Variants in DLGAP1 observed in about 807,000 individuals in gnomAD.
DLGAP1 encodes disks large-associated protein 1.
DLGAP1 carries 11 observed loss-of-function variants against 90.8 expected under a neutral mutation model. That is an observed-to-expected ratio of 0.12 (90% CI 0.08 to 0.20). DLGAP1 has a LOEUF of 0.20. Among genes scored for constraint, DLGAP1 ranks in the 10% least tolerant of loss-of-function variants. DLGAP1 has a pLI of 1.00. For missense variants in DLGAP1, 1,050 were observed against 1,333.8 expected (o/e 0.79, Z 3.31); for synonymous variants, 558 against 540.7 (o/e 1.03, Z -0.44).
At chr18:3,869,753 T>C (rs1255497194) in intron 4 of DLGAP1, among the ~76,000 whole-genome samples, 2 of 152,126 alleles carry the variant, frequency 1.3e-5, no homozygotes, top group African/African-American at 2.4e-5. Context: ...TAATAAAAAC[T>C]AGATGAAGTG....
chr18:4,135,831 G>A (rs1317546765), intron 2 of DLGAP1, among the ~76,000 whole-genome samples: 3 of 122,484 alleles, frequency 2.4e-5, no homozygotes, highest in Non-Finnish European at 4.9e-5. Flanking sequence ...ATTCCATAAT[G>A]TATACCTACC....
chr18:3,650,873 C>G (rs968428253), intron 7 of DLGAP1, among the ~76,000 whole-genome samples: 2 of 151,262 alleles, frequency 1.3e-5, no homozygotes, highest in Non-Finnish European at 2.9e-5. Context: ...TGGAGACCAT[C>G]CTGGCCAACA....
intron 1 of DLGAP1, among the ~76,000 whole-genome samples, chr18:4,277,470 GTTTCTGTGGGT>G (rs992775741): frequency 6.6e-6 from 1 of 152,104 alleles, no homozygotes; most frequent in African/African-American, 2.4e-5. Flanking sequence ...AGTAAGAATA[GTTTCTGTGGGT>G]TTTCTGTGGG....
intron 2 of DLGAP1, among the ~76,000 whole-genome samples, chr18:4,006,194 C>A (rs774682487): frequency 1.3e-5 from 2 of 152,154 alleles, no homozygotes; most frequent in African/African-American, 4.8e-5. Flanking sequence ...TCTTCTCTTG[C>A]CATTTTGATT....
intron 5 of DLGAP1, among the ~76,000 whole-genome samples, chr18:3,787,603 A>G (rs1317356744): frequency 6.6e-6 from 1 of 151,842 alleles, no homozygotes; most frequent in African/African-American, 2.4e-5. Context: ...GAGTCATACG[A>G]AAGTAGTATT....
At chr18:4,060,505 G>A (rs541488385) in intron 2 of DLGAP1, among the ~76,000 whole-genome samples, 34 of 152,246 alleles carry the variant, frequency 2.2e-4, no homozygotes, top group East Asian at 1.5e-3. Flanking sequence ...GTCCTGCCTC[G>A]GAGGTTTAAA....
At chr18:4,233,089 C>A (rs1042307613) in intron 1 of DLGAP1, among the ~76,000 whole-genome samples, 39 of 152,112 alleles carry the variant, frequency 2.6e-4, no homozygotes, top group Non-Finnish European at 4.4e-5. Context: ...GGCACAGTCT[C>A]CCATACCTTT....
intron 1 of DLGAP1, among the ~76,000 whole-genome samples, chr18:4,445,280 T>C (rs564022710): frequency 2.1e-5 from 3 of 144,676 alleles, no homozygotes; most frequent in African/African-American, 7.7e-5. Context: ...CCCTCTCTAA[T>C]AACTAATTAC....
At chr18:3,605,776 A>G (rs2057298020) in intron 7 of DLGAP1, among the ~76,000 whole-genome samples, 1 of 152,182 alleles carries the variant, frequency 6.6e-6, no homozygotes, top group South Asian at 2.1e-4. Context: ...CTTTCTCCAG[A>G]GAGGTTAAGT....
intron 2 of DLGAP1, among the ~76,000 whole-genome samples, chr18:4,091,052 T>C (rs535824428): frequency 2.6e-5 from 4 of 152,126 alleles, no homozygotes; most frequent in African/African-American, 9.6e-5. Context: ...TGAGAACACA[T>C]GGACACAGGG....
At chr18:4,371,230 TATAA>T (rs1166646377) in intron 1 of DLGAP1, among the ~76,000 whole-genome samples, 3 of 152,286 alleles carry the variant, frequency 2.0e-5, no homozygotes, top group South Asian at 2.1e-4. Context: ...GACAAATGAA[TATAA>T]ATAAATAAAT....
At position 3,534,895 on chromosome 18, in the gene DLGAP1, T is replaced by TTGAA. The variant is rs567902882; in HGVS notation, c.2058-284_2058-281dup. 8.3e-4 allele frequency among the ~76,000 whole-genome samples: 127 copies of TTGAA among 152,168 alleles called. 1 individual carries two copies. The highest frequency in any genetic ancestry group is 1.2e-4 in the Non-Finnish European group (8 of 67,988). On this transcript the variant is annotated intron_variant, in intron 9 of 12. Transcript: ENST00000315677. ...TTAGTAGAGAAGGGGTTTCACTGTG[T>TTGAA]TGAACAGGTGGGTCTCGAACTACTG...
chr18:4,237,705 A>C (rs1330899292), intron 1 of DLGAP1, among the ~76,000 whole-genome samples: 3 of 152,098 alleles, frequency 2.0e-5, no homozygotes, highest in Admixed American at 6.6e-5. Flanking sequence ...AAAAAAAGGA[A>C]GCAATTTTTG....
At chr18:3,714,639 GTTTTTTTTTTT>G (rs869196557) in intron 7 of DLGAP1, among the ~76,000 whole-genome samples, 1 of 93,050 alleles carries the variant, frequency 1.1e-5, no homozygotes, top group Non-Finnish European at 2.1e-5. Flanking sequence ...TGATTACGTG[GTTTTTTTTTTT>G]TTTTTTTTTT....
intron 4 of DLGAP1, chr18:3,845,695 T>G (rs2068967806): frequency 1.3e-6 from 1 of 754,774 alleles, no homozygotes; most frequent in Admixed American, 6.3e-5. Context: ...GAAGTCCCCA[T>G]CAGGGAACGA....
chr18:4,086,062 G>A (rs970096841), intron 2 of DLGAP1, among the ~76,000 whole-genome samples: 3 of 152,160 alleles, frequency 2.0e-5, no homozygotes, highest in Non-Finnish European at 4.4e-5. Flanking sequence ...TTTGAAAGGT[G>A]AAGATTATAG....
At chr18:3,730,623 G>T (rs1055312866) in intron 6 of DLGAP1, among the ~76,000 whole-genome samples, 1 of 151,250 alleles carries the variant, frequency 6.6e-6, no homozygotes, top group Admixed American at 6.6e-5. Context: ...CTACAATTAC[G>T]TTTTGAATAC....
intron 5 of DLGAP1, among the ~76,000 whole-genome samples, chr18:3,761,023 C>A (rs77818058): frequency 0.016 from 2,491 of 152,224 alleles, 74 homozygotes; most frequent in African/African-American, 0.056. Context: ...GAATTTACTG[C>A]GTAATAAACA....
chr18:3,572,901 A>G (rs574126230), intron 8 of DLGAP1, among the ~76,000 whole-genome samples: 1 of 152,276 alleles, frequency 6.6e-6, no homozygotes, highest in African/African-American at 2.4e-5. Context: ...GACATACACT[A>G]CTTGGTAATA....
Sources: allele counts gnomAD v4.1 joint callset (sites outside exome capture counted in the v4.1 genomes callset), GRCh38; gene constraint gnomAD v4.1.1; transcripts MANE v1.5; gene names NCBI Gene and HGNC (gene_info 2026-07-23, HGNC 2026-07-21).